RHEB: variants seen among roughly 807,000 people sequenced by gnomAD.
RHEB encodes GTP-binding protein Rheb.
RHEB carries 2 observed loss-of-function variants against 28.8 expected under a neutral mutation model. The observed-to-expected ratio is 0.07, with a 90% CI of 0.03 to 0.22. The LOEUF is 0.22. RHEB is among the 10% of genes least tolerant of loss of function. The pLI, the probability that RHEB is intolerant of heterozygous loss-of-function variation, is 1.00. For synonymous variants in RHEB, 69 were observed against 77.3 expected (o/e 0.89, Z 0.56); for missense variants, 76 against 219.9 (o/e 0.35, Z 4.14).
chr7:151,509,697 C>T (rs1357521116), intron 1 of RHEB, among the ~76,000 whole-genome samples: 1 of 152,188 alleles, frequency 6.6e-6, no homozygotes, highest in African/African-American at 2.4e-5. Flanking sequence ...GGCCTACAGC[C>T]TGTTTTGGTT....
chr7:151,502,985 G>A (rs113450502), intron 1 of RHEB: 6 of 783,508 alleles, frequency 7.7e-6, no homozygotes, highest in Non-Finnish European at 1.4e-5. Context: ...AGTCCTCTCC[G>A]AAGTGAAATT....
At chr7:151,513,070 G>A (rs750564492) in intron 1 of RHEB, among the ~76,000 whole-genome samples, 1 of 152,132 alleles carries the variant, frequency 6.6e-6, no homozygotes, top group Non-Finnish European at 1.5e-5. Context: ...TGAAAAAGCA[G>A]TAAAATTATA....
chr7:151,476,689 A>G (rs1176384524), intron 4 of RHEB, among the ~76,000 whole-genome samples: 2 of 152,214 alleles, frequency 1.3e-5, no homozygotes, highest in East Asian at 3.8e-4. Flanking sequence ...AACGCCCTCC[A>G]CTGGCACTGA....
chr7:151,476,090 CG>C (rs1197820159), intron 4 of RHEB, among the ~76,000 whole-genome samples: 2 of 152,086 alleles, frequency 1.3e-5, no homozygotes, highest in African/African-American at 4.8e-5. Flanking sequence ...TAAACTTTCT[CG>C]GGGATTGACA....
chr7:151,512,467 G>A (rs539460474), intron 1 of RHEB, among the ~76,000 whole-genome samples: 24 of 152,148 alleles, frequency 1.6e-4, no homozygotes, highest in African/African-American at 4.1e-4. Context: ...TGGGAGCCTC[G>A]CCATCACCAG....
chr7:151,480,044 T>C (rs1026039883), intron 3 of RHEB, among the ~76,000 whole-genome samples: 6 of 152,230 alleles, frequency 3.9e-5, no homozygotes, highest in Admixed American at 2.6e-4. Context: ...ACCTATCAGA[T>C]TGGTAAGTAC....
chr7:151,519,661 G>C lies in RHEB; in HGVS notation c.-150C>G. ...GGCTGCCTCTCGCTCGCTAGCTCGC[G>C]CGCTCCCAACCGCCCGGAACCGACC... On this transcript the variant is annotated 5_prime_UTR_variant, in exon 1 of 8. Coordinates refer to ENST00000262187, the MANE Select transcript of RHEB (RefSeq NM_005614.4). 1 of 621,530 alleles carries C rather than the reference G, an allele frequency of 1.6e-6. No homozygotes were observed. The highest frequency in any genetic ancestry group is 3.8e-5 in the East Asian group (1 of 26,178). The allele number at this position is 621,530 out of a possible 1,614,324, so 38.5% of individuals were successfully genotyped here.
chr7:151,476,789 A>G lies in RHEB; in HGVS notation c.275+544T>C, dbSNP rs76484682. Among the ~76,000 whole-genome samples, 998 of 152,362 alleles carry G rather than the reference A, an allele frequency of 6.6e-3. 6 individuals carry two copies. Among genetic ancestry groups the G allele is most frequent in the Non-Finnish European group, 0.011 (720 of 68,036 alleles). ...CCAGCTGTTCTGTTAACAGACACAG[A>G]CCACTGCTCCTCCTGATAATACATG... is the stretch of plus-strand genomic sequence containing the variant. On this transcript the variant is annotated intron_variant, in intron 4 of 7. Transcript: ENST00000262187.
chr7:151,506,718 C>T (rs1350647237), intron 1 of RHEB, among the ~76,000 whole-genome samples: 1 of 152,254 alleles, frequency 6.6e-6, no homozygotes, highest in African/African-American at 2.4e-5. Flanking sequence ...CATACATATA[C>T]CCCTAAAGCA....
intron 1 of RHEB, among the ~76,000 whole-genome samples, chr7:151,503,852 T>C (rs138960142): frequency 1.3e-5 from 2 of 152,144 alleles, no homozygotes; most frequent in African/African-American, 4.8e-5. Flanking sequence ...AGAAGTGAGA[T>C]CATACTGGTT....
At chr7:151,499,688 C>T (rs377722079) in intron 1 of RHEB, among the ~76,000 whole-genome samples, 1 of 152,208 alleles carries the variant, frequency 6.6e-6, no homozygotes, top group Admixed American at 6.5e-5. Context: ...TCCTACTCCA[C>T]GTGTAATTGT....
At chr7:151,514,085 T>C (rs1419333983) in intron 1 of RHEB, among the ~76,000 whole-genome samples, 1 of 152,168 alleles carries the variant, frequency 6.6e-6, no homozygotes, top group African/African-American at 2.4e-5. Context: ...AGTTCTTCTA[T>C]TGACGGTCAC....
intron 1 of RHEB, chr7:151,502,667 A>G: frequency 6.2e-7 from 1 of 1,610,094 alleles, no homozygotes; most frequent in Admixed American, 1.7e-5. Flanking sequence ...GGCACACTCC[A>G]AGGAAACACA....
chr7:151,515,022 G>A (rs1339454490), intron 1 of RHEB, among the ~76,000 whole-genome samples: 1 of 148,772 alleles, frequency 6.7e-6, no homozygotes, highest in Non-Finnish European at 1.5e-5. Context: ...CTGGGCAACA[G>A]AGCAAGACCC....
rs957462500 is a variant in RHEB, at chr7:151,483,839, T to C, written c.192+898A>G. ...CTAGTAAAAGCAGGCCTGGATGTCA[T>C]GGTAATGGGGCAGCTAAGCTGTCAA... is the stretch of plus-strand genomic sequence containing the variant. On this transcript the variant is annotated intron_variant, in intron 3 of 7. Transcript: ENST00000262187. Among the ~76,000 whole-genome samples, 8 of 152,228 alleles carry C rather than the reference T, an allele frequency of 5.3e-5. No homozygotes were observed. In the South Asian group the frequency reaches 6.2e-4, roughly 12 times the overall value.
At chr7:151,498,924 T>G (rs1467390349) in intron 1 of RHEB, among the ~76,000 whole-genome samples, 2 of 152,238 alleles carry the variant, frequency 1.3e-5, no homozygotes, top group Non-Finnish European at 2.9e-5. Flanking sequence ...AAGATCTGAC[T>G]ATGGATTAAT....
intron 7 of RHEB, chr7:151,470,308 T>C (rs1584845522): frequency 4.0e-6 from 1 of 252,550 alleles, no homozygotes; most frequent in Non-Finnish European, 7.5e-6. Flanking sequence ...AATATATGTT[T>C]ACAAAAGGTA....
chr7:151,477,553 A>G lies in RHEB; in HGVS notation c.193-138T>C, dbSNP rs114225893. The G allele has an allele frequency of 2.1e-3, 1,221 of 581,788 alleles. 12 individuals are homozygous for G. Among genetic ancestry groups the G allele is most frequent in the African/African-American group, 0.02 (1,059 of 51,980 alleles). 36.0% of individuals were successfully genotyped at this position (581,788 alleles called of 1,614,324 possible). A position where few individuals can be genotyped will look rare whatever the true frequency, so the allele number is the denominator to read the frequency against. The stretch of plus-strand genomic sequence containing the variant: ...TACAATATTATGCCAGAAACAGCCT[A>G]CAAAGTGAAGCTTTAAGAATGGCCT... On this transcript the variant is annotated intron_variant, in intron 3 of 7. Coordinates refer to ENST00000262187, the MANE Select transcript of RHEB (RefSeq NM_005614.4).
At chr7:151,489,540 G>A (rs986137300) in intron 2 of RHEB, among the ~76,000 whole-genome samples, 1 of 152,180 alleles carries the variant, frequency 6.6e-6, no homozygotes, top group South Asian at 2.1e-4. Flanking sequence ...GAACACAAAG[G>A]ACAGCCAAAT....
Sources: gnomAD v4.1 joint callset for allele counts (sites outside exome capture counted in the v4.1 genomes callset) on GRCh38, gnomAD v4.1.1 for gene constraint, MANE v1.5 for transcripts, NCBI Gene and HGNC (gene_info 2026-07-23, HGNC 2026-07-21) for gene names.